WWTR1: variants seen among roughly 807,000 people sequenced by gnomAD.
WWTR1 encodes the protein WW domain containing transcription regulator 1, also known as WW domain-containing transcription regulator protein 1.
WWTR1 carries 13 observed loss-of-function variants against 40.1 expected under a neutral mutation model. The ratio of observed to expected loss-of-function variants is 0.32; its 90% CI spans 0.21 to 0.52. The LOEUF is 0.52. WWTR1 is among the 20% of genes least tolerant of loss of function. WWTR1 has a pLI of 0.97. For synonymous variants in WWTR1, 230 were observed against 210.1 expected (o/e 1.09, Z -0.82); for missense variants, 436 against 523.1 (o/e 0.83, Z 1.63).
intron 4 of WWTR1, among the ~76,000 whole-genome samples, chr3:149,534,547 G>A (rs1206117079): frequency 2.0e-5 from 3 of 152,206 alleles, no homozygotes; most frequent in African/African-American, 7.2e-5. Context: ...TGAACTGGAT[G>A]TATTCAATGA....
intron 4 of WWTR1, among the ~76,000 whole-genome samples, chr3:149,718,056 T>A (rs1468978744): frequency 6.6e-6 from 1 of 152,186 alleles, no homozygotes; most frequent in East Asian, 1.9e-4. Context: ...TAAACAAATA[T>A]ATTATAAAAT....
In WWTR1 at chr3:149,588,860, G is replaced by T. The variant is rs1738562884; in HGVS notation, c.432-15860C>A. On this transcript the variant is annotated intron_variant, in intron 2 of 6. Transcript: ENST00000360632. ...GTGCAGGACTGAAAATCTTGTCTCT[G>T]CCTTAACTGTGAGTTGGAAAAGGCG... Among the ~76,000 whole-genome samples the T allele has an allele frequency of 3.3e-5, 5 of 151,294 alleles. No homozygotes were observed. In the South Asian group the frequency reaches 8.4e-4, roughly 25 times the overall value.
Position 149,519,232 on chromosome 3 carries a change from G to T in WWTR1, c.*1573C>A, listed in dbSNP as rs1026512044. On this transcript the variant is annotated 3_prime_UTR_variant, in exon 7 of 7. Transcript: ENST00000360632. Reference sequence around the variant, plus strand: ...CAGTCCTTAAAAGCTAATTAAAAATGGTTTTGGTTACATAAGAGGTATTGA... The same window carrying T: ...CAGTCCTTAAAAGCTAATTAAAAATTGTTTTGGTTACATAAGAGGTATTGA... 1 of 152,126 alleles carries T rather than the reference G, an allele frequency of 6.6e-6. No homozygotes were observed. The highest frequency in any genetic ancestry group is 1.5e-5 in the Non-Finnish European group (1 of 68,034). The allele number at this position is 152,126 out of a possible 1,614,324, so 9.4% of individuals were successfully genotyped here. A position where few individuals can be genotyped will look rare whatever the true frequency, so the allele number is the denominator to read the frequency against.
At chr3:149,668,282 C>T (rs986145082) in intron 2 of WWTR1, among the ~76,000 whole-genome samples, 4 of 152,132 alleles carry the variant, frequency 2.6e-5, no homozygotes, top group African/African-American at 9.7e-5. Flanking sequence ...TGTGAAAAAT[C>T]TCTCTCTTCT....
intron 2 of WWTR1, among the ~76,000 whole-genome samples, chr3:149,654,740 G>A (rs915133925): frequency 6.6e-6 from 1 of 152,154 alleles, no homozygotes; most frequent in Non-Finnish European, 1.5e-5. Flanking sequence ...GGCAAGCCTA[G>A]CTCCTATTTC....
intron 5 of WWTR1, among the ~76,000 whole-genome samples, chr3:149,708,784 A>G (rs1013634501): frequency 5.3e-5 from 8 of 152,182 alleles, no homozygotes; most frequent in African/African-American, 1.9e-4. Context: ...GAAGGTGCAG[A>G]TATCTTTATG....
chr3:149,653,902 T>C (rs1713049559), intron 2 of WWTR1, among the ~76,000 whole-genome samples: 1 of 152,138 alleles, frequency 6.6e-6, no homozygotes, highest in African/African-American at 2.4e-5. Flanking sequence ...CTAAACAAAA[T>C]TGACCCTTGT....
intron 2 of WWTR1, among the ~76,000 whole-genome samples, chr3:149,614,277 C>T (rs1173811184): frequency 2.0e-5 from 3 of 152,232 alleles, no homozygotes; most frequent in East Asian, 3.9e-4. Flanking sequence ...GTGGAAATGT[C>T]GTGGCACAAC....
intron 3 of WWTR1, among the ~76,000 whole-genome samples, chr3:149,571,713 T>A (rs1440363684): frequency 6.6e-6 from 1 of 152,238 alleles, no homozygotes; most frequent in Non-Finnish European, 1.5e-5. Context: ...TCCATTTTTA[T>A]CTTGTTCATT....
intron 1 of WWTR1, among the ~76,000 whole-genome samples, chr3:149,700,367 T>C (rs1715131727): frequency 6.6e-6 from 1 of 152,162 alleles, no homozygotes; most frequent in Non-Finnish European, 1.5e-5. Flanking sequence ...GAAGGATCTA[T>C]GTGCCTCATG....
chr3:149,706,153 A>G (rs756403880), upstream of WWTR1, among the ~76,000 whole-genome samples: 4 of 152,176 alleles, frequency 2.6e-5, no homozygotes, highest in Non-Finnish European at 5.9e-5. Flanking sequence ...CTGAGATCAC[A>G]CAATATACCA....
chr3:149,594,494 CA>C (rs1738883198), intron 2 of WWTR1, among the ~76,000 whole-genome samples: 1 of 152,054 alleles, frequency 6.6e-6, no homozygotes, highest in Admixed American at 6.6e-5. Flanking sequence ...AAGAAATTCA[CA>C]AAATCATTTA....
rs769836377 is a variant in WWTR1 at position 149,656,999 on chromosome 3, G to C, written c.308C>G (p.Ala103Gly). 6.3e-7 allele frequency: 1 copy of C among 1,597,358 alleles called. No homozygotes were observed. The highest frequency in any genetic ancestry group is 1.3e-5 in the African/African-American group (1 of 74,788). ...SLQLGTGAGA[A>G]GSPAQQHAHL... ...CGCGTGCTGCTGCGCGGGGCTACCC[G>C]CAGCACCCGCGCCGGTGCCCAGCTG... Residue 103 changes from alanine to glycine, a missense_variant, in exon 2 of 7, where the codon GCG becomes GGG. Transcript: ENST00000360632.
intron 4 of WWTR1, among the ~76,000 whole-genome samples, chr3:149,535,044 G>A (rs1249250031): frequency 1.3e-5 from 2 of 152,064 alleles, no homozygotes; most frequent in African/African-American, 2.4e-5. Context: ...GCTCTGTCCC[G>A]CCTTGGCTGA....
intron 4 of WWTR1, among the ~76,000 whole-genome samples, chr3:149,535,881 T>G (rs1206332199): frequency 6.6e-6 from 1 of 152,020 alleles, no homozygotes; most frequent in Non-Finnish European, 1.5e-5. Flanking sequence ...GGCGTGATGA[T>G]GCGCACCTGT....
chr3:149,518,927 A>T lies in WWTR1; in HGVS notation c.*1878T>A, dbSNP rs1734915016. The T allele has an allele frequency of 2.0e-5, 3 of 151,788 alleles. No individual in the cohort carries two copies. The highest frequency in any genetic ancestry group is 7.3e-5 in the African/African-American group (3 of 41,288). 9.4% of individuals were successfully genotyped at this position (151,788 alleles called of 1,614,324 possible). The stretch of plus-strand genomic sequence containing the variant: ...TTCCACGATATTCCATAACTTTGCT[A>T]CTTCATCTCTGACCTTTTCACTTGC... On this transcript the variant is annotated 3_prime_UTR_variant, in exon 7 of 7. Coordinates refer to ENST00000360632, the MANE Select transcript of WWTR1 (RefSeq NM_015472.6).
At chr3:149,707,136 T>C (rs1306971511), upstream of WWTR1, among the ~76,000 whole-genome samples, 1 of 152,174 alleles carries the variant, frequency 6.6e-6, no homozygotes, top group Non-Finnish European at 1.5e-5. Flanking sequence ...CTGTGTTGTG[T>C]GCATTAGTTA....
intron 2 of WWTR1, among the ~76,000 whole-genome samples, chr3:149,616,765 T>G (rs1739994482): frequency 1.3e-5 from 2 of 152,200 alleles, no homozygotes; most frequent in Non-Finnish European, 2.9e-5. Context: ...TTTAATAAAT[T>G]TCTTTCATTC....
rs1735009134 is a variant in WWTR1, at chr3:149,520,874, G to A, written c.1134C>T (p.Asp378=). 1 of 1,613,616 alleles carries A rather than the reference G, an allele frequency of 6.2e-7. No homozygotes were observed. The highest frequency in any genetic ancestry group is 8.5e-7 in the Non-Finnish European group (1 of 1,179,834). The part of the protein sequence containing the change: ...NVDLGTLESE[D]LIPLFNDVES... Reference sequence around the variant, plus strand: ...CTACATCATTGAAGAGGGGGATCAGGTCTTCAGATTCCAAAGTTCCTAAGT... The same window carrying A: ...CTACATCATTGAAGAGGGGGATCAGATCTTCAGATTCCAAAGTTCCTAAGT... Residue 378 remains aspartate (D), a synonymous_variant, in exon 7 of 7, where the codon GAC becomes GAT. Coordinates refer to ENST00000360632, the MANE Select transcript of WWTR1 (RefSeq NM_015472.6).
Sources: allele counts gnomAD v4.1 joint callset (sites outside exome capture counted in the v4.1 genomes callset), GRCh38; gene constraint gnomAD v4.1.1; transcripts MANE v1.5; gene names NCBI Gene and HGNC (gene_info 2026-07-23, HGNC 2026-07-21).